NEDD4: variants seen among roughly 807,000 people sequenced by gnomAD.
NEDD4 encodes the protein E3 ubiquitin-protein ligase NEDD4.
A neutral mutation model predicts 144.9 loss-of-function variants in NEDD4; 99 were observed. That is an observed-to-expected ratio of 0.68 (90% CI 0.58 to 0.81). The LOEUF is 0.81. Among genes scored for constraint, NEDD4 ranks in the 30% least tolerant of loss-of-function variants. The probability of loss-of-function intolerance (pLI) is 0.00; values close to 1 mark genes in which losing one functional copy is unlikely to be tolerated. For synonymous variants in NEDD4, 318 were observed against 350.6 expected (o/e 0.91, Z 1.04); for missense variants, 985 against 1,065.9 (o/e 0.92, Z 1.06).
At chr15:55,917,600 T>G (rs540405244) in intron 5 of NEDD4, among the ~76,000 whole-genome samples, 1 of 152,074 alleles carries the variant, frequency 6.6e-6, no homozygotes, top group African/African-American at 2.4e-5. Context: ...ACATAAAAAG[T>G]GAAAGCTTAA....
At position 55,951,364 on chromosome 15, in the gene NEDD4, A is replaced by T; in HGVS notation, c.237+12T>A. On this transcript the variant is annotated intron_variant, in intron 4 of 28. Coordinates refer to ENST00000435532, the MANE Select transcript of NEDD4 (RefSeq NM_006154.4). ...ACTTTTTCCACTTTAGTAAAATAAA[A>T]TATATACTTACTCTGAATAATATTT... 1 of 896,276 alleles carries T rather than the reference A, an allele frequency of 1.1e-6. No homozygotes were observed. Among genetic ancestry groups the T allele is most frequent in the Non-Finnish European group, 1.7e-6 (1 of 598,560 alleles). The allele number at this position is 896,276 out of a possible 1,614,324, so 55.5% of individuals were successfully genotyped here.
At chr15:55,884,272 G>A (rs770180198) in intron 5 of NEDD4, among the ~76,000 whole-genome samples, 37 of 152,120 alleles carry the variant, frequency 2.4e-4, no homozygotes, top group Non-Finnish European at 3.1e-4. Flanking sequence ...CCAAAACTCA[G>A]ATCACAACAA....
chr15:55,898,834 G>A (rs968756723), intron 5 of NEDD4, among the ~76,000 whole-genome samples: 56 of 152,024 alleles, frequency 3.7e-4, no homozygotes, highest in African/African-American at 1.3e-3. Context: ...AGAGACAGGG[G>A]TCTCACTCTG....
intron 4 of NEDD4, among the ~76,000 whole-genome samples, chr15:55,936,602 T>C (rs1339272851): frequency 1.3e-5 from 2 of 152,100 alleles, no homozygotes; most frequent in African/African-American, 4.8e-5. Context: ...AAATCTAATA[T>C]ATTGAGTATG....
chr15:55,978,034 GT>G (rs2037734969), intron 1 of NEDD4, among the ~76,000 whole-genome samples: 1 of 152,132 alleles, frequency 6.6e-6, no homozygotes, highest in Admixed American at 6.5e-5. Context: ...TCAGGTAGCA[GT>G]TATAATTTAT....
intron 1 of NEDD4, among the ~76,000 whole-genome samples, chr15:55,972,653 T>C (rs2037630975): frequency 1.3e-5 from 2 of 152,088 alleles, no homozygotes; most frequent in South Asian, 2.1e-4. Flanking sequence ...ATAATAACAA[T>C]GAATGTAAGT....
At chr15:55,979,528 T>C (rs1313035371) in intron 1 of NEDD4, among the ~76,000 whole-genome samples, 1 of 150,594 alleles carries the variant, frequency 6.6e-6, no homozygotes, top group Non-Finnish European at 1.5e-5. Context: ...TAATTTTTTG[T>C]ATTTTTAGTA....
At chr15:55,939,117 C>CA in intron 4 of NEDD4, among the ~76,000 whole-genome samples, 1 of 57,976 alleles carries the variant, frequency 1.7e-5, no homozygotes, top group Admixed American at 2.2e-4. Context: ...AAAACAACAA[C>CA]AACAACAAAC....
At chr15:55,934,193 G>T (rs924702265) in intron 4 of NEDD4, among the ~76,000 whole-genome samples, 26 of 152,088 alleles carry the variant, frequency 1.7e-4, no homozygotes, top group Admixed American at 1.7e-3. Flanking sequence ...AAATTACCCA[G>T]TCTCAGGCAT....
intron 4 of NEDD4, 22 bp downstream of exon 4, chr15:55,951,354 G>T: frequency 1.2e-6 from 1 of 856,428 alleles, no homozygotes; most frequent in Non-Finnish European, 1.8e-6. Context: ...TTCCACTTTA[G>T]TAAAATAAAA....
At chr15:55,958,649 T>C (rs1363722536) in intron 2 of NEDD4, among the ~76,000 whole-genome samples, 2 of 152,110 alleles carry the variant, frequency 1.3e-5, no homozygotes, top group Non-Finnish European at 2.9e-5. Flanking sequence ...TCAATTTAAT[T>C]AACAACAAAT....
At chr15:55,966,765 T>A (rs2037519747) in intron 1 of NEDD4, among the ~76,000 whole-genome samples, 1 of 152,246 alleles carries the variant, frequency 6.6e-6, no homozygotes, top group Admixed American at 6.5e-5. Context: ...TTGAGTCAAC[T>A]TATTACACTG....
intron 4 of NEDD4, among the ~76,000 whole-genome samples, chr15:55,944,792 A>G (rs1192143103): frequency 6.6e-6 from 1 of 152,156 alleles, no homozygotes; most frequent in African/African-American, 2.4e-5. Context: ...CTTCCAGAGG[A>G]AGGATGAGGC....
chr15:55,868,529 T>G (rs1193893710), intron 8 of NEDD4, among the ~76,000 whole-genome samples: 1 of 152,138 alleles, frequency 6.6e-6, no homozygotes, highest in Non-Finnish European at 1.5e-5. Context: ...TCTCATGAGA[T>G]CTGATAGTTT....
At chr15:55,888,212 A>G (rs1024916857) in intron 5 of NEDD4, among the ~76,000 whole-genome samples, 5 of 152,190 alleles carry the variant, frequency 3.3e-5, no homozygotes, top group African/African-American at 7.2e-5. Flanking sequence ...TTTGTAGATG[A>G]TATGATCTTA....
intron 4 of NEDD4, among the ~76,000 whole-genome samples, chr15:55,935,244 T>C (rs2036863118): frequency 6.6e-6 from 1 of 152,192 alleles, no homozygotes. Context: ...CCTGCCTCTT[T>C]TTAAACAGTA....
At chr15:55,838,735 C>T in intron 21 of NEDD4, 131 bp from the exon 22 acceptor site, 1 of 599,040 alleles carries the variant, frequency 1.7e-6, no homozygotes, top group East Asian at 2.9e-5. Context: ...TACTTACACA[C>T]ATATATAAAC....
rs114148312 is a variant in NEDD4, at chr15:55,919,923, C to G, written c.291+4723G>C. ...AGGTTATGGTACCCACTTGTTTGGTCAAACATCAGTATAGACATTGCTATG... is the reference window on the plus strand; with the variant it reads ...AGGTTATGGTACCCACTTGTTTGGTGAAACATCAGTATAGACATTGCTATG... On this transcript the variant is annotated intron_variant, in intron 5 of 28. Coordinates refer to ENST00000435532, the MANE Select transcript of NEDD4 (RefSeq NM_006154.4). Among the ~76,000 whole-genome samples, 1,292 of 152,234 alleles carry G rather than the reference C, an allele frequency of 8.5e-3. 23 individuals are homozygous for G. Among genetic ancestry groups the G allele is most frequent in the African/African-American group, 0.03 (1,252 of 41,528 alleles).
intron 5 of NEDD4, among the ~76,000 whole-genome samples, chr15:55,918,984 G>C (rs900887161): frequency 1.1e-4 from 16 of 151,948 alleles, no homozygotes; most frequent in African/African-American, 3.9e-4. Flanking sequence ...TCATGTCTGT[G>C]GCCTAAAACT....
Sources: allele counts gnomAD v4.1 joint callset (sites outside exome capture counted in the v4.1 genomes callset), GRCh38; gene constraint gnomAD v4.1.1; transcripts MANE v1.5; gene names NCBI Gene and HGNC (gene_info 2026-07-23, HGNC 2026-07-21).